Variants in KHDRBS3 observed in about 807,000 individuals in gnomAD.
KHDRBS3 encodes the protein KH domain-containing, RNA-binding, signal transduction-associated protein 3.
Under a neutral mutation model 45.6 loss-of-function variants are expected in KHDRBS3, and 23 were observed. The ratio of observed to expected loss-of-function variants is 0.50; its 90% CI spans 0.36 to 0.72. The LOEUF is 0.72. Ranked by LOEUF, KHDRBS3 falls within the 30% of genes least tolerant of loss-of-function variation. The pLI is 0.00. For missense variants in KHDRBS3, 352 were observed against 424.8 expected (o/e 0.83, Z 1.51); for synonymous variants, 162 against 156.5 (o/e 1.04, Z -0.26).
intron 1 of KHDRBS3, among the ~76,000 whole-genome samples, chr8:135,490,106 G>A (rs1234131752): frequency 6.6e-6 from 1 of 152,150 alleles, no homozygotes. Flanking sequence ...CCTACACCAT[G>A]TAGCCTAGGT....
chr8:135,521,472 C>T (rs2130654263), intron 2 of KHDRBS3, 117 bp downstream of exon 2: 5 of 583,004 alleles, frequency 8.6e-6, no homozygotes, highest in South Asian at 2.6e-5. Flanking sequence ...TCCCCCTACA[C>T]ACACTTTTAA....
chr8:135,495,636 A>G (rs1487106042), intron 1 of KHDRBS3, among the ~76,000 whole-genome samples: 2 of 152,192 alleles, frequency 1.3e-5, no homozygotes, highest in African/African-American at 4.8e-5. Context: ...TTCACTTATC[A>G]TATTCCACCA....
downstream of KHDRBS3, chr8:135,648,644 T>C (rs1425308778): frequency 6.6e-6 from 1 of 152,216 alleles, no homozygotes; most frequent in Non-Finnish European, 1.5e-5. Context: ...GTGTGGAAGA[T>C]GAAGACAATT....
chr8:135,654,399 T>G (rs1290274780), intron 4 of KHDRBS3, among the ~76,000 whole-genome samples: 1 of 152,234 alleles, frequency 6.6e-6, no homozygotes, highest in East Asian at 1.9e-4. Context: ...TCATATGCTT[T>G]TGTAAAAGAA....
intron 7 of KHDRBS3, among the ~76,000 whole-genome samples, chr8:135,638,071 C>G (rs1049684382): frequency 6.6e-6 from 1 of 152,124 alleles, no homozygotes; most frequent in African/African-American, 2.4e-5. Flanking sequence ...AAACCCCATT[C>G]AAGAGAAGGG....
chr8:135,577,882 A>G (rs2130910357), intron 5 of KHDRBS3, among the ~76,000 whole-genome samples: 1 of 152,288 alleles, frequency 6.6e-6, no homozygotes, highest in South Asian at 2.1e-4. Context: ...TATGTTTTTC[A>G]TATCCTCACC....
At position 135,462,237 on chromosome 8, in the gene KHDRBS3, G is replaced by GTT. The variant is rs541659142; in HGVS notation, c.88+4297_88+4298dup. Among the ~76,000 whole-genome samples the GTT allele has an allele frequency of 7.1e-3, 1,001 of 140,262 alleles. 7 individuals carry two copies. Among genetic ancestry groups the GTT allele is most frequent in the African/African-American group, 0.022 (869 of 38,658 alleles). The allele number at this position is 140,262 out of a possible 152,430, so 92.0% of individuals were successfully genotyped here. ...TTTATTGTTTTTCTTTGTGTTATCAGTTTTTTTTTTTTTTTAAGAAAATGC... is the reference window on the plus strand; with the variant it reads ...TTTATTGTTTTTCTTTGTGTTATCAGTTTTTTTTTTTTTTTTTAAGAAAATGC... On this transcript the variant is annotated intron_variant, in intron 1 of 8. Coordinates refer to ENST00000355849, the MANE Select transcript of KHDRBS3 (RefSeq NM_006558.3).
intron 4 of KHDRBS3, among the ~76,000 whole-genome samples, chr8:135,653,546 T>G (rs917387619): frequency 6.6e-6 from 1 of 152,232 alleles, no homozygotes; most frequent in Non-Finnish European, 1.5e-5. Context: ...GGTATGATAC[T>G]CTTGCCATGC....
At chr8:135,652,388 G>A (rs150853066), downstream of KHDRBS3, among the ~76,000 whole-genome samples, 515 of 152,214 alleles carry the variant, frequency 3.4e-3, 5 homozygotes, top group African/African-American at 0.011. Flanking sequence ...TGAGTCCTTC[G>A]GTGACTTTCA....
intron 7 of KHDRBS3, among the ~76,000 whole-genome samples, chr8:135,638,252 T>C (rs1305321476): frequency 6.6e-6 from 1 of 152,212 alleles, no homozygotes; most frequent in Admixed American, 6.5e-5. Flanking sequence ...GGTAATGGTG[T>C]TGGATCCCAG....
At chr8:135,624,692 C>T (rs946271103) in intron 7 of KHDRBS3, among the ~76,000 whole-genome samples, 1 of 152,176 alleles carries the variant, frequency 6.6e-6, no homozygotes, top group African/African-American at 2.4e-5. Context: ...CAAGGTCTGG[C>T]CCTTCCTTCC....
intron 1 of KHDRBS3, among the ~76,000 whole-genome samples, chr8:135,520,547 C>T (rs147242333): frequency 1.8e-4 from 27 of 152,004 alleles, no homozygotes; most frequent in Admixed American, 1.7e-3. Flanking sequence ...TAGAGTTGCA[C>T]GTAAAGTGCT....
chr8:135,514,215 A>G (rs1026527595), intron 1 of KHDRBS3, among the ~76,000 whole-genome samples: 1 of 152,248 alleles, frequency 6.6e-6, no homozygotes, highest in Non-Finnish European at 1.5e-5. Context: ...TTACAGCTTT[A>G]GAACATTTTC....
chr8:135,474,312 A>G (rs1278056093), intron 1 of KHDRBS3, among the ~76,000 whole-genome samples: 1 of 152,242 alleles, frequency 6.6e-6, no homozygotes, highest in Non-Finnish European at 1.5e-5. Context: ...AAATCCCAAT[A>G]TTCACAAGAG....
rs753141474 is a variant in KHDRBS3 at position 135,623,544 on chromosome 8, G to T, written c.890+16507G>T. Among the ~76,000 whole-genome samples the T allele has an allele frequency of 1.3e-4, 19 of 151,400 alleles. No homozygotes were observed. In the South Asian group the frequency reaches 1.3e-3, roughly 10 times the overall value. On this transcript the variant is annotated intron_variant, in intron 7 of 8. Coordinates refer to ENST00000355849, the MANE Select transcript of KHDRBS3 (RefSeq NM_006558.3). ...TGTTGGTATTTATTTTTTTAGGGTT[G>T]TGTCACCAAAGCTAAGTTCCTTACT...
chr8:135,466,973 A>C (rs1016688885), intron 1 of KHDRBS3, among the ~76,000 whole-genome samples: 4 of 152,370 alleles, frequency 2.6e-5, no homozygotes, highest in South Asian at 2.1e-4. Flanking sequence ...ATTTTAAAAT[A>C]ACTAAAAGAG....
intron 2 of KHDRBS3, chr8:135,539,743 G>A (rs889058647): frequency 4.6e-5 from 7 of 152,168 alleles, no homozygotes; most frequent in African/African-American, 1.7e-4. Context: ...AACTTGACTA[G>A]GGAGATACAT....
chr8:135,513,357 C>A (rs1824403485), intron 1 of KHDRBS3, among the ~76,000 whole-genome samples: 1 of 152,234 alleles, frequency 6.6e-6, no homozygotes, highest in Admixed American at 6.5e-5. Flanking sequence ...TTAACTGGAC[C>A]AGGTATTGTT....
chr8:135,495,424 C>T (rs1467115174), intron 1 of KHDRBS3, among the ~76,000 whole-genome samples: 2 of 152,162 alleles, frequency 1.3e-5, no homozygotes, highest in East Asian at 3.9e-4. Flanking sequence ...CTTTTAAATG[C>T]AAGCAGTTAA....
Sources: gnomAD v4.1 joint callset for allele counts (sites outside exome capture counted in the v4.1 genomes callset) on GRCh38, gnomAD v4.1.1 for gene constraint, MANE v1.5 for transcripts, NCBI Gene and HGNC (gene_info 2026-07-23, HGNC 2026-07-21) for gene names.